The following WDR27 variants were observed in gnomAD, a reference collection of about 807,000 sequenced individuals.
The protein encoded by WDR27 is WD repeat-containing protein 27.
A neutral mutation model predicts 114.4 loss-of-function variants in WDR27; 100 were observed. That is an observed-to-expected ratio of 0.87 (90% confidence interval 0.74 to 1.03). The LOEUF (loss-of-function observed/expected upper bound fraction) is 1.03. Ranked by LOEUF, WDR27 falls within the 50% of genes least tolerant of loss-of-function variation. The pLI, the probability that WDR27 is intolerant of heterozygous loss-of-function variation, is 0.00. For missense variants in WDR27, 1,129 were observed against 1,092.9 expected (o/e 1.03, Z -0.47); for synonymous variants, 449 against 423.1 (o/e 1.06, Z -0.75).
At chr6:169,451,884 CTG>C in the WDR27 span, among the ~76,000 whole-genome samples, 8 of 152,150 alleles carry the variant, frequency 5.3e-5, no homozygotes, top group African/African-American at 1.4e-4. Context: ...TTATTATAAA[CTG>C]TGTTTTTTTA....
chr6:169,539,598 CA>C (rs1463685686), intron 25 of WDR27, among the ~76,000 whole-genome samples: 1 of 152,180 alleles, frequency 6.6e-6, no homozygotes, highest in Non-Finnish European at 1.5e-5. Flanking sequence ...CCCAAATCAA[CA>C]GTCTTTCATC....
chr6:169,692,632 G>C (rs1001496037), intron 1 of WDR27, among the ~76,000 whole-genome samples: 1 of 152,204 alleles, frequency 6.6e-6, no homozygotes, highest in African/African-American at 2.4e-5. Context: ...AACTGCATGG[G>C]AGCTGGGTGA....
chr6:169,633,135 C>G, intron 20 of WDR27, 67 bp from the exon 21 acceptor site: 1 of 1,458,934 alleles, frequency 6.9e-7, no homozygotes, highest in African/African-American at 1.4e-5. Context: ...AGTTCCCTCT[C>G]TTTTACTAAT....
chr6:169,558,713 G>T (rs1015491642), intron 25 of WDR27: 3 of 152,092 alleles, frequency 2.0e-5, no homozygotes, highest in Non-Finnish European at 4.4e-5. Context: ...GGGCCCAGAG[G>T]TCTTCATTTT....
rs553106117 is a variant in WDR27, at chr6:169,502,041, G to A, written c.2646-44407C>T. On this transcript the variant is annotated intron_variant, in intron 25 of 25. Transcript: ENST00000448612. ...GGTGGCCATGCCTGGGGCATCCAAT[G>A]CCCTGAACGGAGCCGCACGCACCAC... Among the ~76,000 whole-genome samples the A allele has an allele frequency of 2.6e-5, 4 of 152,308 alleles. No homozygotes were observed. The South Asian group carries it at 8.3e-4, about 32-fold the overall frequency.
At chr6:169,621,366 A>G (rs560255871) in intron 21 of WDR27, among the ~76,000 whole-genome samples, 13 of 151,216 alleles carry the variant, frequency 8.6e-5, no homozygotes, top group Admixed American at 8.6e-4. Flanking sequence ...ATACGCACAC[A>G]TGCATGCATG....
the WDR27 span, among the ~76,000 whole-genome samples, chr6:169,437,958 G>A: frequency 6.6e-6 from 1 of 151,842 alleles, no homozygotes; most frequent in African/African-American, 2.4e-5. Context: ...TTGTTATATG[G>A]GTATACTGTG....
chr6:169,626,297 C>T (rs1281411873), intron 21 of WDR27, among the ~76,000 whole-genome samples: 1 of 152,138 alleles, frequency 6.6e-6, no homozygotes, highest in Non-Finnish European at 1.5e-5. Context: ...CTTTGCACAC[C>T]CACAGAGGGT....
intron 25 of WDR27, among the ~76,000 whole-genome samples, chr6:169,501,534 AATCT>A (rs1418813823): frequency 6.6e-6 from 1 of 152,230 alleles, no homozygotes; most frequent in African/African-American, 2.4e-5. Flanking sequence ...AACAAAAATG[AATCT>A]ATCTAGCCCG....
intron 25 of WDR27, among the ~76,000 whole-genome samples, chr6:169,510,787 TA>T (rs1207457574): frequency 6.6e-6 from 1 of 151,538 alleles, no homozygotes; most frequent in African/African-American, 2.4e-5. Flanking sequence ...ATAATAATAA[TA>T]AAAAAAGACA....
At chr6:169,567,567 G>C (rs574938442) in intron 25 of WDR27, among the ~76,000 whole-genome samples, 2 of 152,146 alleles carry the variant, frequency 1.3e-5, no homozygotes, top group African/African-American at 4.8e-5. Flanking sequence ...ACGCTCTAGT[G>C]CAAGAGCCTA....
At chr6:169,504,930 T>C (rs1699671989) in intron 25 of WDR27, among the ~76,000 whole-genome samples, 1 of 152,204 alleles carries the variant, frequency 6.6e-6, no homozygotes, top group African/African-American at 2.4e-5. Flanking sequence ...TGAAGACTTT[T>C]GTGGAAAATC....
chr6:169,623,052 C>T, intron 21 of WDR27, among the ~76,000 whole-genome samples: 1 of 152,122 alleles, frequency 6.6e-6, no homozygotes, highest in Non-Finnish European at 1.5e-5. Flanking sequence ...CTGACCACCT[C>T]CCCCACCCCT....
intron 21 of WDR27, among the ~76,000 whole-genome samples, chr6:169,615,856 G>A (rs1811691138): frequency 6.6e-6 from 1 of 151,974 alleles, no homozygotes; most frequent in Admixed American, 6.6e-5. Context: ...CCTACAGAAT[G>A]GGAGAAAATA....
Position 169,590,785 on chromosome 6 carries a change from C to T in WDR27, c.2425-7851G>A, listed in dbSNP as rs1267149380. 2.0e-5 allele frequency among the ~76,000 whole-genome samples: 3 copies of T among 152,234 alleles called. No individual in the cohort carries two copies. The East Asian group carries it at 5.8e-4, about 29-fold the overall frequency. On this transcript the variant is annotated intron_variant, in intron 23 of 25. Coordinates refer to ENST00000448612, the MANE Select transcript of WDR27 (RefSeq NM_182552.5). Reference sequence around the variant, plus strand: ...GGTGTGGTACCACCCACCGGTCTAACCAGTGGACAGTGGTAAATACCTGAG... The same window carrying T: ...GGTGTGGTACCACCCACCGGTCTAATCAGTGGACAGTGGTAAATACCTGAG...
intron 25 of WDR27, among the ~76,000 whole-genome samples, chr6:169,519,998 G>A (rs1261760737): frequency 1.3e-5 from 2 of 152,062 alleles, no homozygotes; most frequent in African/African-American, 4.8e-5. Flanking sequence ...CTTGACAGGA[G>A]ACCTCTCCCT....
At chr6:169,599,259 G>A (rs1807453211) in intron 23 of WDR27, among the ~76,000 whole-genome samples, 1 of 151,962 alleles carries the variant, frequency 6.6e-6, no homozygotes, top group African/African-American at 2.4e-5. Flanking sequence ...ATTTGGAAGT[G>A]AACAAAGATT....
chr6:169,649,779 C>T (rs1188790645), intron 14 of WDR27, among the ~76,000 whole-genome samples: 4 of 151,328 alleles, frequency 2.6e-5, no homozygotes, highest in African/African-American at 7.3e-5. Flanking sequence ...CATCCATCCA[C>T]GCACACATCC....
chr6:169,633,033 C>G lies in WDR27; in HGVS notation c.2137G>C (p.Glu713Gln), dbSNP rs1584750873. 6.3e-7 allele frequency: 1 copy of G among 1,597,740 alleles called. No individual in the cohort carries two copies. The highest frequency in any genetic ancestry group is 1.3e-5 in the African/African-American group (1 of 74,826). ...VLAAGRNRTVEVFDLNAGCSA... is the reference protein window; with the variant it reads ...VLAAGRNRTVQVFDLNAGCSA... ...CAGCCGGCGTTGAGGTCAAACACTT[C>G]CACGGTCCTGTTCCGGCCAGCTGCG... is the stretch of plus-strand genomic sequence containing the variant. The change falls in exon 21 of 26, where the codon GAA (glutamate) becomes CAA (glutamine). Residue 713 changes from glutamate to glutamine, a missense_variant. By Grantham distance (29) the Glu-to-Gln change is conservative. Coordinates refer to ENST00000448612, the MANE Select transcript of WDR27 (RefSeq NM_182552.5).
Sources: gnomAD v4.1 joint callset for allele counts (sites outside exome capture counted in the v4.1 genomes callset) on GRCh38, gnomAD v4.1.1 for gene constraint, MANE v1.5 for transcripts, NCBI Gene and HGNC (gene_info 2026-07-23, HGNC 2026-07-21) for gene names.